The following ITPK1 variants were observed in gnomAD, a reference collection of about 807,000 sequenced individuals.
ITPK1 encodes the protein inositol 1,3,4-trisphosphate 5/6-kinase.
In ITPK1, 21 loss-of-function variants were observed where a neutral mutation model predicts 45.3. The ratio of observed to expected loss-of-function variants is 0.46; its 90% CI spans 0.33 to 0.67. The LOEUF is 0.67. ITPK1 is among the 30% of genes least tolerant of loss of function. The probability of loss-of-function intolerance (pLI) is 0.02; values close to 1 mark genes in which losing one functional copy is unlikely to be tolerated. For missense variants in ITPK1, 474 were observed against 573.5 expected (o/e 0.83, Z 1.77); for synonymous variants, 258 against 253.6 (o/e 1.02, Z -0.16).
intron 7 of ITPK1, among the ~76,000 whole-genome samples, chr14:92,959,453 C>T (rs1884935094): frequency 6.6e-6 from 1 of 152,140 alleles, no homozygotes; most frequent in Non-Finnish European, 1.5e-5. Context: ...AAATCCAGGC[C>T]ACATGGGAAA....
chr14:93,053,226 T>C (rs1032508844), intron 3 of ITPK1, among the ~76,000 whole-genome samples: 1 of 152,194 alleles, frequency 6.6e-6, no homozygotes, highest in African/African-American at 2.4e-5. Context: ...GGATACCTGT[T>C]ACAGATGTGG....
At chr14:93,105,948 G>A (rs537585979) in intron 2 of ITPK1, among the ~76,000 whole-genome samples, 1 of 151,974 alleles carries the variant, frequency 6.6e-6, no homozygotes, top group African/African-American at 2.4e-5. Flanking sequence ...CAGGTGATCC[G>A]CCCGCCTCAG....
At chr14:93,059,302 C>A (rs1890392344) in intron 3 of ITPK1, among the ~76,000 whole-genome samples, 1 of 33,294 alleles carries the variant, frequency 3.0e-5, no homozygotes, top group Non-Finnish European at 5.2e-5. Context: ...GGTGACGAAG[C>A]AGGGGTGGAG....
chr14:92,964,474 A>G (rs1339923244), intron 5 of ITPK1, among the ~76,000 whole-genome samples: 1 of 152,214 alleles, frequency 6.6e-6, no homozygotes, highest in Non-Finnish European at 1.5e-5. Context: ...CAGGGCGGGA[A>G]TGCTGTGAGG....
At chr14:93,062,408 T>C (rs1890563966) in intron 3 of ITPK1, among the ~76,000 whole-genome samples, 1 of 151,998 alleles carries the variant, frequency 6.6e-6, no homozygotes, top group Admixed American at 6.6e-5. Context: ...CCAGCCTGAG[T>C]GACAGAGCAA....
intron 5 of ITPK1, among the ~76,000 whole-genome samples, chr14:92,965,446 G>A (rs1179541005): frequency 6.6e-6 from 1 of 152,224 alleles, no homozygotes; most frequent in African/African-American, 2.4e-5. Flanking sequence ...AAGGAGGTCT[G>A]CTCTTGCCAC....
rs184494228 is a variant in ITPK1 at position 92,959,488 on chromosome 14, G to T, written c.505-1122C>A. ...AAACAAAAAGTGTGTGTCTGTGCTG[G>T]GGGCGTTGGGGGGCAGTGAACATCT... is the stretch of plus-strand genomic sequence containing the variant. On this transcript the variant is annotated intron_variant, in intron 7 of 10. Coordinates refer to ENST00000267615, the MANE Select transcript of ITPK1 (RefSeq NM_014216.6). Among the ~76,000 whole-genome samples, 107 of 152,332 alleles carry T rather than the reference G, an allele frequency of 7.0e-4. No homozygotes were observed. In the Middle Eastern group the frequency reaches 0.014, roughly 19 times the overall value.
intron 3 of ITPK1, among the ~76,000 whole-genome samples, chr14:93,039,992 C>T (rs1334109680): frequency 1.3e-5 from 2 of 152,242 alleles, no homozygotes; most frequent in African/African-American, 4.8e-5. Flanking sequence ...GGTCAGAGCG[C>T]ACACGGGTGC....
chr14:92,975,572 G>A (rs914113932), intron 5 of ITPK1, among the ~76,000 whole-genome samples: 1 of 152,212 alleles, frequency 6.6e-6, no homozygotes, highest in Non-Finnish European at 1.5e-5. Context: ...ATTGTTCTCC[G>A]TGTACCTGAA....
rs565156113 is a variant in ITPK1 at position 93,048,178 on chromosome 14, C to T, written c.120+28417G>A. ...ATGTCCAAATGAACAGGGTGCCCAA[C>T]GGTCATCCTTTTGGGCACCTACATT... On this transcript the variant is annotated intron_variant, in intron 3 of 10. Coordinates refer to ENST00000267615, the MANE Select transcript of ITPK1 (RefSeq NM_014216.6). 4.2e-3 allele frequency among the ~76,000 whole-genome samples: 640 copies of T among 152,328 alleles called. 2 individuals are homozygous for T. Among genetic ancestry groups the T allele is most frequent in the African/African-American group, 0.014 (583 of 41,566 alleles).
intron 2 of ITPK1, among the ~76,000 whole-genome samples, chr14:93,093,152 C>G (rs1176404131): frequency 6.6e-6 from 1 of 152,218 alleles, no homozygotes; most frequent in Non-Finnish European, 1.5e-5. Flanking sequence ...CAACACCCAT[C>G]TGCTGACAGC....
At chr14:93,080,345 T>C (rs1407359085) in intron 2 of ITPK1, among the ~76,000 whole-genome samples, 2 of 152,226 alleles carry the variant, frequency 1.3e-5, no homozygotes, top group African/African-American at 2.4e-5. Context: ...TTCAATGTTG[T>C]GCCATGTGCC....
chr14:93,112,532 C>G (rs1246665818), intron 2 of ITPK1, among the ~76,000 whole-genome samples: 2 of 151,466 alleles, frequency 1.3e-5, no homozygotes, highest in East Asian at 1.9e-4. Context: ...CTCTGCCTCC[C>G]GGGTTCAAGT....
intron 2 of ITPK1, among the ~76,000 whole-genome samples, chr14:93,096,055 A>G (rs1205145448): frequency 6.6e-6 from 1 of 151,998 alleles, no homozygotes; most frequent in East Asian, 1.9e-4. Flanking sequence ...GCGCTGAGAA[A>G]CCTGGCCCTG....
intron 8 of ITPK1, among the ~76,000 whole-genome samples, chr14:92,955,996 G>C (rs1262806239): frequency 6.6e-6 from 1 of 152,228 alleles, no homozygotes; most frequent in Non-Finnish European, 1.5e-5. Flanking sequence ...GTGCCCTAGA[G>C]ATGGGGACAC....
At chr14:93,049,791 T>G in intron 3 of ITPK1, among the ~76,000 whole-genome samples, 1 of 146,964 alleles carries the variant, frequency 6.8e-6, no homozygotes, top group African/African-American at 2.5e-5. Context: ...GAGGGAAAAA[T>G]CAACAGAACC....
At chr14:93,107,479 C>G (rs57166702) in intron 2 of ITPK1, among the ~76,000 whole-genome samples, 1 of 152,150 alleles carries the variant, frequency 6.6e-6, no homozygotes, top group Non-Finnish European at 1.5e-5. Flanking sequence ...AGGTTTGGAA[C>G]GAAGACATCT....
rs536196229 is a variant in ITPK1, at chr14:92,972,801, G to A, written c.365-9952C>T. Among the ~76,000 whole-genome samples, 3 of 152,304 alleles carry A rather than the reference G, an allele frequency of 2.0e-5. No homozygotes were observed. The East Asian group carries it at 5.8e-4, about 29-fold the overall frequency. ...AGACGGGGTTTTGCCATGTTGGCCA[G>A]GCTGGTCTTGAACTCCGGACCTCAA... On this transcript the variant is annotated intron_variant, in intron 5 of 10. Transcript: ENST00000267615.
chr14:93,004,713 C>T (rs1887525467), intron 4 of ITPK1, among the ~76,000 whole-genome samples: 1 of 151,898 alleles, frequency 6.6e-6, no homozygotes, highest in African/African-American at 2.4e-5. Context: ...TCCTAAGTGG[C>T]GGCCATGTGG....
Sources: allele counts gnomAD v4.1 joint callset (sites outside exome capture counted in the v4.1 genomes callset), GRCh38; gene constraint gnomAD v4.1.1; transcripts MANE v1.5; gene names NCBI Gene and HGNC (gene_info 2026-07-23, HGNC 2026-07-21).